Variants in GRM7 observed in about 807,000 individuals in gnomAD.
GRM7 encodes metabotropic glutamate receptor 7.
In GRM7, 35 loss-of-function variants were observed where a neutral mutation model predicts 84.5. The observed-to-expected ratio is 0.41, with a 90% CI of 0.32 to 0.55. The LOEUF (loss-of-function observed/expected upper bound fraction) is 0.55. GRM7 is among the 20% of genes least tolerant of loss of function. GRM7 has a pLI of 0.19. For missense variants in GRM7, 1,003 were observed against 1,194.6 expected (o/e 0.84, Z 2.36); for synonymous variants, 487 against 455.1 (o/e 1.07, Z -0.89).
At chr3:7,016,891 A>AT (rs778001616) in intron 1 of GRM7, among the ~76,000 whole-genome samples, 1 of 152,248 alleles carries the variant, frequency 6.6e-6, no homozygotes, top group East Asian at 1.9e-4. Context: ...GGCAATTGCA[A>AT]TTTCATGTTA....
At position 6,934,281 on chromosome 3, in the gene GRM7, C is replaced by G. The variant is rs569364042; in HGVS notation, c.519+72374C>G. The stretch of plus-strand genomic sequence containing the variant: ...GAAAATCTGTTTACTAGGAGACACA[C>G]AGTGGTATTTTCTATTTATTTTTTT... On this transcript the variant is annotated intron_variant, in intron 1 of 9. Coordinates refer to ENST00000357716, the MANE Select transcript of GRM7 (RefSeq NM_000844.4). Among the ~76,000 whole-genome samples, 245 of 152,238 alleles carry G rather than the reference C, an allele frequency of 1.6e-3. 1 individual carries two copies. Among genetic ancestry groups the G allele is most frequent in the African/African-American group, 5.5e-3 (230 of 41,548 alleles).
At chr3:7,365,488 C>T (rs1002959355) in intron 4 of GRM7, among the ~76,000 whole-genome samples, 5 of 151,440 alleles carry the variant, frequency 3.3e-5, no homozygotes, top group South Asian at 2.1e-4. Flanking sequence ...TATCTCTTTA[C>T]GTATATCCAA....
At chr3:7,265,581 T>C (rs1288430775) in intron 2 of GRM7, among the ~76,000 whole-genome samples, 1 of 152,168 alleles carries the variant, frequency 6.6e-6, no homozygotes, top group Non-Finnish European at 1.5e-5. Context: ...ATTTAAAATT[T>C]CATCCACAAA....
chr3:7,604,591 G>T (rs775507951), intron 8 of GRM7, among the ~76,000 whole-genome samples: 1 of 152,108 alleles, frequency 6.6e-6, no homozygotes, highest in Non-Finnish European at 1.5e-5. Flanking sequence ...TCTTGCAAAG[G>T]TTTCCTAAAA....
At chr3:6,995,418 A>G (rs375942896) in intron 1 of GRM7, among the ~76,000 whole-genome samples, 3 of 152,242 alleles carry the variant, frequency 2.0e-5, no homozygotes, top group East Asian at 1.9e-4. Context: ...CCCATGAGCC[A>G]TAATGTACTG....
At chr3:7,205,452 G>T (rs1484314140) in intron 2 of GRM7, among the ~76,000 whole-genome samples, 2 of 152,162 alleles carry the variant, frequency 1.3e-5, no homozygotes, top group Non-Finnish European at 2.9e-5. Context: ...TCAAGGGCTG[G>T]CCTTAATTCA....
chr3:7,695,812 A>C (rs1045726678), intron 9 of GRM7, among the ~76,000 whole-genome samples: 2 of 152,196 alleles, frequency 1.3e-5, no homozygotes, highest in African/African-American at 4.8e-5. Context: ...ATTGGCATAA[A>C]ATAGAATGCT....
intron 8 of GRM7, among the ~76,000 whole-genome samples, chr3:7,676,435 C>A (rs112170986): frequency 6.6e-6 from 1 of 151,980 alleles, no homozygotes; most frequent in Admixed American, 6.6e-5. Flanking sequence ...TTTTATCATG[C>A]TTATTCTTTG....
chr3:7,322,808 G>C (rs555776127), intron 4 of GRM7, among the ~76,000 whole-genome samples: 177 of 152,124 alleles, frequency 1.2e-3, no homozygotes, highest in Middle Eastern at 3.4e-3. Flanking sequence ...TATATAGGGA[G>C]TGGGAGATGT....
intron 2 of GRM7, among the ~76,000 whole-genome samples, chr3:7,288,525 C>T (rs769897560): frequency 1.2e-3 from 178 of 152,094 alleles, no homozygotes; most frequent in Non-Finnish European, 2.0e-3. Context: ...AATCTGTGTT[C>T]CAAGCTCCAG....
chr3:7,290,307 T>C (rs1035971757), intron 2 of GRM7, among the ~76,000 whole-genome samples: 2 of 152,168 alleles, frequency 1.3e-5, no homozygotes, highest in Non-Finnish European at 2.9e-5. Context: ...ATCTGCAAAA[T>C]GGAAGCGTTG....
intron 8 of GRM7, among the ~76,000 whole-genome samples, chr3:7,672,060 T>A (rs934272270): frequency 6.6e-5 from 10 of 152,064 alleles, no homozygotes; most frequent in Non-Finnish European, 1.2e-4. Context: ...TTCTAAAGGA[T>A]GCAAACTCCC....
At chr3:6,976,952 C>A (rs758655608) in intron 1 of GRM7, among the ~76,000 whole-genome samples, 3 of 152,096 alleles carry the variant, frequency 2.0e-5, no homozygotes, top group Non-Finnish European at 4.4e-5. Context: ...AATCTGGTCC[C>A]TAGAATGCAG....
chr3:6,947,118 C>T (rs62235422), intron 1 of GRM7, among the ~76,000 whole-genome samples: 11,052 of 152,154 alleles, frequency 0.073, 553 homozygotes, highest in Non-Finnish European at 0.11. Context: ...AGAGGGCATC[C>T]CTGTCTTGTG....
intron 4 of GRM7, among the ~76,000 whole-genome samples, chr3:7,399,326 T>G (rs1005433602): frequency 6.6e-6 from 1 of 152,168 alleles, no homozygotes; most frequent in Admixed American, 6.5e-5. Flanking sequence ...TGGTCTGTTC[T>G]GTAAAACTTT....
At chr3:7,493,207 G>A (rs1040781826) in intron 7 of GRM7, among the ~76,000 whole-genome samples, 1 of 151,954 alleles carries the variant, frequency 6.6e-6, no homozygotes, top group Non-Finnish European at 1.5e-5. Context: ...TATTGTTCAT[G>A]TTGTTTATAT....
At chr3:7,602,445 G>C (rs1199024808) in intron 8 of GRM7, among the ~76,000 whole-genome samples, 1 of 152,132 alleles carries the variant, frequency 6.6e-6, no homozygotes, top group Non-Finnish European at 1.5e-5. Flanking sequence ...TGAGATGAAA[G>C]AACTGAAAGT....
intron 2 of GRM7, among the ~76,000 whole-genome samples, chr3:7,168,067 A>C (rs940838609): frequency 6.7e-6 from 1 of 149,318 alleles, no homozygotes. Flanking sequence ...CTCTTTCATG[A>C]GCTCATAGTG....
intron 4 of GRM7, among the ~76,000 whole-genome samples, chr3:7,352,057 C>CACACACACACACACA (rs1277659188): frequency 7.3e-6 from 1 of 136,894 alleles, no homozygotes; most frequent in African/African-American, 2.8e-5. Flanking sequence ...CACACACACA[C>CACACACACACACACA]CACACACACA....
Sources: gnomAD v4.1 joint callset for allele counts (sites outside exome capture counted in the v4.1 genomes callset) on GRCh38, gnomAD v4.1.1 for gene constraint, MANE v1.5 for transcripts, NCBI Gene and HGNC (gene_info 2026-07-23, HGNC 2026-07-21) for gene names.